SYNPO2: variants seen among roughly 807,000 people sequenced by gnomAD.
SYNPO2 encodes the protein synaptopodin 2, also known as synaptopodin-2.
A neutral mutation model predicts 85.0 loss-of-function variants in SYNPO2; 56 were observed. The ratio of observed to expected loss-of-function variants is 0.66; its 90% CI spans 0.53 to 0.82. The LOEUF (loss-of-function observed/expected upper bound fraction) is 0.82. SYNPO2 is among the 40% of genes least tolerant of loss of function. The pLI is 0.00. For synonymous variants in SYNPO2, 602 were observed against 591.1 expected (o/e 1.02, Z -0.27); for missense variants, 1,575 against 1,534.2 (o/e 1.03, Z -0.44).
chr4:118,858,717 A>G (rs946774910), intron 1 of SYNPO2, among the ~76,000 whole-genome samples: 3 of 152,176 alleles, frequency 2.0e-5, no homozygotes, highest in Non-Finnish European at 4.4e-5. Context: ...TTCCTGGATG[A>G]CTTGGGGATA....
chr4:118,937,868 GTCCCTGGTGTGAAATGGCATAGTAT>G (rs1289044149), intron 1 of SYNPO2, among the ~76,000 whole-genome samples: 2 of 152,134 alleles, frequency 1.3e-5, no homozygotes, highest in Non-Finnish European at 2.9e-5. Context: ...GGATGCTCAA[GTCCCTGGTGTGAAATGGCATAGTAT>G]TTTCATATAA....
chr4:119,020,066 A>G, intron 1 of SYNPO2, among the ~76,000 whole-genome samples: 1 of 152,138 alleles, frequency 6.6e-6, no homozygotes. Context: ...AATAGAAGGT[A>G]AGGATCTTAG....
At chr4:118,887,076 G>C (rs1732211079), upstream of SYNPO2, among the ~76,000 whole-genome samples, 1 of 152,062 alleles carries the variant, frequency 6.6e-6, no homozygotes, top group Non-Finnish European at 1.5e-5. Context: ...TGTCTGTATA[G>C]GTTTTCTCCA....
intron 1 of SYNPO2, among the ~76,000 whole-genome samples, chr4:118,874,509 T>G (rs1035474680): frequency 6.6e-6 from 1 of 152,224 alleles, no homozygotes; most frequent in Non-Finnish European, 1.5e-5. Flanking sequence ...GGACACCATG[T>G]GATACAACTG....
intron 1 of SYNPO2, among the ~76,000 whole-genome samples, chr4:118,941,611 T>TCCTCAGGG (rs1187256260): frequency 6.6e-6 from 1 of 152,210 alleles, no homozygotes; most frequent in Non-Finnish European, 1.5e-5. Flanking sequence ...CTCTAATCCT[T>TCCTCAGGG]CCTCAGGGAA....
At chr4:118,990,464 C>T (rs934099663) in intron 1 of SYNPO2, among the ~76,000 whole-genome samples, 1 of 152,136 alleles carries the variant, frequency 6.6e-6, no homozygotes, top group African/African-American at 2.4e-5. Flanking sequence ...AAATATTGTG[C>T]CAGATGCTGG....
At chr4:118,887,159 C>CTGAG (rs554125787), upstream of SYNPO2, among the ~76,000 whole-genome samples, 2 of 127,844 alleles carry the variant, frequency 1.6e-5, no homozygotes, top group African/African-American at 3.3e-5. Context: ...TGGTCCCCAT[C>CTGAG]TGAGTGAGTG....
chr4:119,025,811 T>G (rs756051678), intron 2 of SYNPO2, among the ~76,000 whole-genome samples: 16 of 152,342 alleles, frequency 1.1e-4, no homozygotes, highest in Non-Finnish European at 1.8e-4. Flanking sequence ...AAGAAGTTAT[T>G]TAACTCTTAA....
intron 1 of SYNPO2, among the ~76,000 whole-genome samples, chr4:118,878,999 G>A (rs1428167930): frequency 6.6e-6 from 1 of 152,178 alleles, no homozygotes; most frequent in Middle Eastern, 3.2e-3. Flanking sequence ...CACTCCTGAA[G>A]TCAGCGAGAC....
At chr4:118,971,077 C>T (rs1488738965) in intron 1 of SYNPO2, among the ~76,000 whole-genome samples, 3 of 152,094 alleles carry the variant, frequency 2.0e-5, no homozygotes, top group Non-Finnish European at 4.4e-5. Context: ...TGAAAGGTCC[C>T]GTGAGCACCT....
chr4:119,022,484 A>G lies in SYNPO2; in HGVS notation c.106-946A>G, dbSNP rs1737758211. Among the ~76,000 whole-genome samples, 3 of 72,646 alleles carry G rather than the reference A, an allele frequency of 4.1e-5. No homozygotes were observed. The South Asian group carries it at 1.3e-3, about 32-fold the overall frequency. 47.7% of individuals were successfully genotyped at this position (72,646 alleles called of 152,430 possible). The stretch of plus-strand genomic sequence containing the variant: ...CTAGGATCACAGGCATGCACCACCA[A>G]GCGGGCTAATTTTTGCATTTTTTGT... On this transcript the variant is annotated intron_variant, in intron 1 of 4. Transcript: ENST00000307142.
At chr4:119,000,280 A>G (rs1316714447) in intron 1 of SYNPO2, among the ~76,000 whole-genome samples, 1 of 152,214 alleles carries the variant, frequency 6.6e-6, no homozygotes, top group Admixed American at 6.5e-5. Flanking sequence ...GTGAAGGAAA[A>G]AGACCACTTG....
At chr4:118,892,266 C>G (rs1348500557) in intron 1 of SYNPO2, among the ~76,000 whole-genome samples, 1 of 151,940 alleles carries the variant, frequency 6.6e-6, no homozygotes, top group African/African-American at 2.4e-5. Flanking sequence ...AAAAATAAAC[C>G]AAATTTTTAA....
intron 1 of SYNPO2, among the ~76,000 whole-genome samples, chr4:118,971,954 A>G (rs1264247550): frequency 1.3e-5 from 2 of 152,242 alleles, no homozygotes; most frequent in Non-Finnish European, 2.9e-5. Flanking sequence ...TTCTACAGGG[A>G]TAGACCTCAT....
At chr4:119,050,210 T>C (rs1044981616) in intron 4 of SYNPO2, among the ~76,000 whole-genome samples, 1 of 151,954 alleles carries the variant, frequency 6.6e-6, no homozygotes, top group Non-Finnish European at 1.5e-5. Flanking sequence ...TAGGCACCTG[T>C]AATGCCAGCT....
At chr4:118,916,093 TA>T (rs1733308933) in intron 1 of SYNPO2, among the ~76,000 whole-genome samples, 1 of 152,052 alleles carries the variant, frequency 6.6e-6, no homozygotes, top group African/African-American at 2.4e-5. Context: ...GACCTTTCTA[TA>T]TTATAACCCA....
upstream of SYNPO2, among the ~76,000 whole-genome samples, chr4:118,887,780 C>T (rs1384451477): frequency 3.3e-5 from 5 of 152,088 alleles, no homozygotes; most frequent in African/African-American, 9.7e-5. Context: ...CTATCTGTGA[C>T]GTTTTAAGTG....
intron 1 of SYNPO2, among the ~76,000 whole-genome samples, chr4:118,985,674 A>C (rs1397971975): frequency 1.3e-5 from 2 of 152,356 alleles, no homozygotes; most frequent in East Asian, 3.9e-4. Context: ...ACAAGTGTTT[A>C]ATCAATGCCA....
At position 119,023,505 on chromosome 4, in the gene SYNPO2, T is replaced by C. The variant is rs780163245; in HGVS notation, c.181T>C (p.Cys61Arg). The C allele has an allele frequency of 2.5e-5, 40 of 1,613,966 alleles. No homozygotes were observed. Among genetic ancestry groups the C allele is most frequent in the Non-Finnish European group, 3.1e-5 (37 of 1,179,974 alleles). ...DEVVSINGNP[C>R]ADLTYPEVIK... ...AGTGGTTTCCATCAATGGCAACCCT[T>C]GTGCAGATCTCACCTACCCTGAAGT... The change falls in exon 2 of 5, where the codon TGT becomes CGT. Residue 61 changes from cysteine (C) to arginine (R), a missense_variant. By Grantham distance (180) the Cys-to-Arg change is radical. This residue lies in a region of SYNPO2 where 12 missense variants were observed against 31.9 expected (regional missense o/e 0.38). Transcript: ENST00000307142.
Sources: gnomAD v4.1 joint callset for allele counts (sites outside exome capture counted in the v4.1 genomes callset) on GRCh38, gnomAD v4.1.1 for gene constraint, gnomAD v4.1.1 regional missense constraint, MANE v1.5 for transcripts, NCBI Gene and HGNC (gene_info 2026-07-23, HGNC 2026-07-21) for gene names.